The following STK33 variants were observed in gnomAD, a reference collection of about 807,000 sequenced individuals.
STK33 encodes the protein serine/threonine kinase 33, also known as serine/threonine-protein kinase 33.
A neutral mutation model predicts 58.0 loss-of-function variants in STK33; 52 were observed. The observed-to-expected ratio is 0.90, with a 90% CI of 0.72 to 1.13. The LOEUF (loss-of-function observed/expected upper bound fraction) is 1.13, where lower values mean the gene tolerates loss of function less well. Ranked by LOEUF, STK33 falls within the 50% of genes most tolerant of loss-of-function variation. The pLI is 0.00. For missense variants in STK33, 630 were observed against 604.2 expected (o/e 1.04, Z -0.45); for synonymous variants, 215 against 200.1 (o/e 1.07, Z -0.63).
intron 1 of STK33, chr11:8,554,902 A>G (rs946795914): frequency 2.6e-5 from 4 of 152,216 alleles, no homozygotes; most frequent in African/African-American, 9.7e-5. Flanking sequence ...ATATATATAC[A>G]CAATGGAATA....
At chr11:8,368,580 C>A in the STK33 span, among the ~76,000 whole-genome samples, 1 of 152,264 alleles carries the variant, frequency 6.6e-6, no homozygotes, top group South Asian at 2.1e-4. Flanking sequence ...GAAATTAGCA[C>A]ATGCCAGTCA....
Position 8,549,191 on chromosome 11 carries a change from A to T in STK33, c.-466+44892T>A, listed in dbSNP as rs138942463. Reference sequence around the variant, plus strand: ...GAGTTTTTATCATGAAGGGATGTTAAATTGTATTGAATACTTTTTCAGTAT... The same window carrying T: ...GAGTTTTTATCATGAAGGGATGTTATATTGTATTGAATACTTTTTCAGTAT... On this transcript the variant is annotated intron_variant, in intron 1 of 15. Transcript: ENST00000687296. 1.4e-4 allele frequency among the ~76,000 whole-genome samples: 22 copies of T among 152,234 alleles called. No individual in the cohort carries two copies. In the East Asian group the frequency reaches 4.2e-3, roughly 29 times the overall value.
chr11:8,383,243 G>T, the STK33 span, among the ~76,000 whole-genome samples: 8 of 152,198 alleles, frequency 5.3e-5, no homozygotes, highest in African/African-American at 7.2e-5. Flanking sequence ...CCTGAAGAAG[G>T]CACACAGGGC....
Position 8,457,378 on chromosome 11 carries a change from T to C in STK33, c.660A>G (p.Gln220=), listed in dbSNP as rs750840430. 5 of 1,605,894 alleles carry C rather than the reference T, an allele frequency of 3.1e-6. No homozygotes were observed. The highest frequency in any genetic ancestry group is 4.3e-6 in the Non-Finnish European group (5 of 1,174,314). ...GATATGCTATAGCTGATGCGAGACT[T>C]TGAATGATCCACCTTGTCTCATTCT... is the stretch of plus-strand genomic sequence containing the variant. ...FSENETRWII[Q]SLASAIAYLH... The change falls in exon 9 of 16, where the codon CAA becomes CAG. Residue 220 remains glutamine, a synonymous_variant. Coordinates refer to ENST00000687296, the MANE Select transcript of STK33 (RefSeq NM_001352389.2).
At chr11:8,420,865 T>C (rs1418700156) in intron 14 of STK33, among the ~76,000 whole-genome samples, 2 of 151,630 alleles carry the variant, frequency 1.3e-5, no homozygotes, top group African/African-American at 4.8e-5. Flanking sequence ...CTGGACATGG[T>C]GGTGCATGCC....
At chr11:8,369,242 CT>C in the STK33 span, among the ~76,000 whole-genome samples, 4 of 150,092 alleles carry the variant, frequency 2.7e-5, no homozygotes, top group African/African-American at 4.9e-5. Flanking sequence ...AGTGAAGTCA[CT>C]TTTTTTTTAC....
At chr11:8,363,908 A>G in the STK33 span, among the ~76,000 whole-genome samples, 1 of 152,204 alleles carries the variant, frequency 6.6e-6, no homozygotes, top group African/African-American at 2.4e-5. Flanking sequence ...CTTTGTAAAA[A>G]GCTTATGAAG....
At chr11:8,576,613 T>C (rs1436696085) in intron 1 of STK33, among the ~76,000 whole-genome samples, 1 of 152,208 alleles carries the variant, frequency 6.6e-6, no homozygotes, top group Non-Finnish European at 1.5e-5. Context: ...AAATACCTTT[T>C]TTGTGCCAGT....
chr11:8,529,694 C>T (rs1280681050), intron 1 of STK33, among the ~76,000 whole-genome samples: 1 of 151,874 alleles, frequency 6.6e-6, no homozygotes, highest in African/African-American at 2.4e-5. Context: ...CAGAGTGATA[C>T]AGTATGAGAA....
intron 1 of STK33, among the ~76,000 whole-genome samples, chr11:8,565,467 C>T (rs939157869): frequency 4.6e-5 from 7 of 151,474 alleles, no homozygotes; most frequent in South Asian, 2.1e-4. Flanking sequence ...GTTTCACAGC[C>T]GGAGTCATAA....
the STK33 span, among the ~76,000 whole-genome samples, chr11:8,378,533 C>T: frequency 6.6e-6 from 1 of 152,034 alleles, no homozygotes; most frequent in Non-Finnish European, 1.5e-5. Context: ...AACAGACAAA[C>T]AAACAAACAA....
intron 14 of STK33, 142 bp from the exon 15 acceptor site, chr11:8,413,834 T>C (rs1458274399): frequency 1.4e-6 from 1 of 739,328 alleles, no homozygotes; most frequent in African/African-American, 1.8e-5. Context: ...TGAAAACTTC[T>C]GATGACCACT....
intron 1 of STK33, among the ~76,000 whole-genome samples, chr11:8,511,396 C>A (rs1416966330): frequency 6.6e-6 from 1 of 151,956 alleles, no homozygotes; most frequent in Non-Finnish European, 1.5e-5. Flanking sequence ...GTAGGGCTTT[C>A]TAGGTATATG....
chr11:8,517,826 A>G (rs1292323491), intron 1 of STK33, among the ~76,000 whole-genome samples: 1 of 152,200 alleles, frequency 6.6e-6, no homozygotes, highest in Non-Finnish European at 1.5e-5. Context: ...GCCTCCAAGA[A>G]ATATGGGACT....
chr11:8,563,324 T>C (rs1037540311), intron 1 of STK33, among the ~76,000 whole-genome samples: 1 of 152,060 alleles, frequency 6.6e-6, no homozygotes, highest in African/African-American at 2.4e-5. Flanking sequence ...AAAAGAATAC[T>C]CACTAGGCAG....
chr11:8,461,798 G>A lies in STK33; in HGVS notation c.558+7C>T, dbSNP rs2137287261. ...CTTTCAAAATGCAGCGCCTAATAGA[G>A]GTTTACCTTTGGCGTTTCAAATACT... On this transcript the variant is annotated splice_region_variant and intron_variant, in intron 8 of 15. Transcript: ENST00000687296. 2 of 1,565,988 alleles carry A rather than the reference G, an allele frequency of 1.3e-6. No homozygotes were observed. The highest frequency in any genetic ancestry group is 2.4e-5 in the East Asian group (1 of 41,806).
At chr11:8,535,318 T>C (rs1954910159) in intron 1 of STK33, among the ~76,000 whole-genome samples, 1 of 152,050 alleles carries the variant, frequency 6.6e-6, no homozygotes. Flanking sequence ...AGCCAGACCA[T>C]TACCTCTCCC....
chr11:8,402,423 G>C (rs955681950), intron 15 of STK33, among the ~76,000 whole-genome samples: 3 of 152,036 alleles, frequency 2.0e-5, no homozygotes, highest in Non-Finnish European at 2.9e-5. Flanking sequence ...AATGAGAACA[G>C]ATGGACACAG....
chr11:8,529,874 C>T (rs1272582628), intron 1 of STK33, among the ~76,000 whole-genome samples: 1 of 152,066 alleles, frequency 6.6e-6, no homozygotes, highest in Admixed American at 6.5e-5. Flanking sequence ...TTCTGACCTC[C>T]AAAACAATAA....
Sources: gnomAD v4.1 joint callset for allele counts (sites outside exome capture counted in the v4.1 genomes callset) on GRCh38, gnomAD v4.1.1 for gene constraint, MANE v1.5 for transcripts, NCBI Gene and HGNC (gene_info 2026-07-23, HGNC 2026-07-21) for gene names.